The following KCNQ3 variants were observed in gnomAD, a reference collection of about 807,000 sequenced individuals.
KCNQ3 encodes the protein potassium voltage-gated channel subfamily Q member 3, also known as potassium voltage-gated channel subfamily KQT member 3.
Under a neutral mutation model 92.5 loss-of-function variants are expected in KCNQ3, and 30 were observed. That is an observed-to-expected ratio of 0.32 (90% confidence interval 0.24 to 0.44). The LOEUF (loss-of-function observed/expected upper bound fraction) is 0.44. Among genes scored for constraint, KCNQ3 ranks in the 20% least tolerant of loss-of-function variants. KCNQ3 has a pLI of 1.00. For missense variants in KCNQ3, 913 were observed against 1,140.3 expected (o/e 0.80, Z 2.87); for synonymous variants, 450 against 468.8 (o/e 0.96, Z 0.52).
At chr8:132,145,012 G>A (rs1825410012) in intron 9 of KCNQ3, among the ~76,000 whole-genome samples, 1 of 152,132 alleles carries the variant, frequency 6.6e-6, no homozygotes, top group African/African-American at 2.4e-5. Flanking sequence ...CCCCAGCCAG[G>A]GCACATTTGG....
intron 1 of KCNQ3, among the ~76,000 whole-genome samples, chr8:132,382,391 C>G (rs1415668682): frequency 6.6e-6 from 1 of 152,174 alleles, no homozygotes; most frequent in Non-Finnish European, 1.5e-5. Context: ...TGCTCCATCT[C>G]TCACCATGCG....
At chr8:132,350,138 C>T (rs1818814766) in intron 1 of KCNQ3, among the ~76,000 whole-genome samples, 3 of 152,182 alleles carry the variant, frequency 2.0e-5, no homozygotes, top group African/African-American at 7.2e-5. Context: ...GAGGTGAACA[C>T]AAACATTGTT....
intron 9 of KCNQ3, among the ~76,000 whole-genome samples, chr8:132,148,693 G>T (rs2130956884): frequency 6.6e-6 from 1 of 152,316 alleles, no homozygotes; most frequent in Non-Finnish European, 1.5e-5. Flanking sequence ...TCCTTTGAGG[G>T]CCCAAATAAA....
In KCNQ3 at chr8:132,126,144, G is replaced by T. The variant is rs1036973952; in HGVS notation, c.*3118C>A. The T allele has an allele frequency of 6.6e-6, 1 of 152,194 alleles. No homozygotes were observed. The highest frequency in any genetic ancestry group is 1.5e-5 in the Non-Finnish European group (1 of 68,046). The allele number at this position is 152,194 out of a possible 1,614,324, so 9.4% of individuals were successfully genotyped here. On this transcript the variant is annotated 3_prime_UTR_variant, in exon 15 of 15. Transcript: ENST00000388996. The stretch of plus-strand genomic sequence containing the variant: ...GTTTTACCTGATAATATCACTCCTA[G>T]TTTGATGATGGAATTAATTTGTCAA...
At chr8:132,428,446 A>T (rs1821165386) in intron 1 of KCNQ3, among the ~76,000 whole-genome samples, 1 of 152,140 alleles carries the variant, frequency 6.6e-6, no homozygotes, top group African/African-American at 2.4e-5. Flanking sequence ...TTAAAACCGC[A>T]ATCAGCCTCT....
intron 14 of KCNQ3, among the ~76,000 whole-genome samples, chr8:132,131,573 C>G (rs1397156525): frequency 1.3e-5 from 2 of 152,130 alleles, no homozygotes; most frequent in African/African-American, 4.8e-5. Context: ...TAGCTATTAT[C>G]AAGTGTCCAC....
chr8:132,200,987 G>T (rs1284233511), intron 1 of KCNQ3, among the ~76,000 whole-genome samples: 8 of 152,148 alleles, frequency 5.3e-5, no homozygotes, highest in Admixed American at 4.6e-4. Context: ...AGCATTTGGT[G>T]AGAGCCTTCT....
chr8:132,170,433 G>A lies in KCNQ3; in HGVS notation c.1141-5C>T. On this transcript the variant is annotated splice_region_variant and splice_polypyrimidine_tract_variant and intron_variant, in intron 7 of 14. Coordinates refer to ENST00000388996, the MANE Select transcript of KCNQ3 (RefSeq NM_004519.4). The stretch of plus-strand genomic sequence containing the variant: ...AGCATAATACCTCCAGGCAGCCTGA[G>A]GGGCAGAAAAGAGGGGCAACAATGA... 1.2e-6 allele frequency: 2 copies of A among 1,609,672 alleles called. No homozygotes were observed. Among genetic ancestry groups the A allele is most frequent in the South Asian group, 2.2e-5 (2 of 90,936 alleles).
chr8:132,402,237 C>T (rs538109723), intron 1 of KCNQ3, among the ~76,000 whole-genome samples: 17 of 152,272 alleles, frequency 1.1e-4, no homozygotes, highest in Middle Eastern at 3.4e-3. Context: ...GTGCCAACTT[C>T]CTTCTTGGCT....
At position 132,480,941 on chromosome 8, in the gene KCNQ3, C is replaced by G; in HGVS notation, c.-409G>C. 1 of 150,456 alleles carries G rather than the reference C, an allele frequency of 6.6e-6. No homozygotes were observed. Among genetic ancestry groups the G allele is most frequent in the South Asian group, 1.9e-4 (1 of 5,308 alleles). 9.3% of individuals were successfully genotyped at this position (150,456 alleles called of 1,614,324 possible). ...GACAGCATCGCAGTTTATTTACAAG[C>G]CCGGTGCCAGCCGCCCTCCCGCCCG... On this transcript the variant is annotated 5_prime_UTR_variant, in exon 1 of 15. Coordinates refer to ENST00000388996, the MANE Select transcript of KCNQ3 (RefSeq NM_004519.4).
intron 9 of KCNQ3, among the ~76,000 whole-genome samples, chr8:132,148,295 G>T (rs1825524728): frequency 6.6e-6 from 1 of 152,018 alleles, no homozygotes; most frequent in Admixed American, 6.5e-5. Context: ...TGTCGCCCAG[G>T]CTAGCTCTTG....
At chr8:132,267,199 C>A (rs1220889973) in intron 1 of KCNQ3, among the ~76,000 whole-genome samples, 2 of 152,124 alleles carry the variant, frequency 1.3e-5, no homozygotes, top group Non-Finnish European at 2.9e-5. Context: ...TGGCTATAAT[C>A]CATTACTAGA....
At chr8:132,189,467 G>A (rs1827090786) in intron 1 of KCNQ3, among the ~76,000 whole-genome samples, 2 of 152,300 alleles carry the variant, frequency 1.3e-5, no homozygotes, top group Middle Eastern at 3.4e-3. Flanking sequence ...ATACTTTATT[G>A]ATCCGATTGA....
At chr8:132,273,463 T>G (rs1043405937) in intron 1 of KCNQ3, among the ~76,000 whole-genome samples, 1 of 152,146 alleles carries the variant, frequency 6.6e-6, no homozygotes, top group African/African-American at 2.4e-5. Flanking sequence ...ATGAAACCAT[T>G]TTTTCTTCCT....
chr8:132,163,906 G>A (rs1003409852), intron 8 of KCNQ3, among the ~76,000 whole-genome samples: 7 of 152,178 alleles, frequency 4.6e-5, no homozygotes, highest in Non-Finnish European at 1.0e-4. Context: ...AGCGAACATT[G>A]TCTTAACTCA....
chr8:132,438,568 G>T (rs929130317), intron 1 of KCNQ3, among the ~76,000 whole-genome samples: 1 of 152,122 alleles, frequency 6.6e-6, no homozygotes, highest in African/African-American at 2.4e-5. Context: ...GCAACGTGTG[G>T]GTGCGGCTGC....
At chr8:132,328,519 C>T (rs1818130991) in intron 1 of KCNQ3, among the ~76,000 whole-genome samples, 1 of 152,234 alleles carries the variant, frequency 6.6e-6, no homozygotes, top group African/African-American at 2.4e-5. Flanking sequence ...GCCCAAGTTA[C>T]TTGAGCTGGC....
chr8:132,183,768 C>A (rs1826868419), intron 3 of KCNQ3, among the ~76,000 whole-genome samples: 1 of 152,234 alleles, frequency 6.6e-6, no homozygotes, highest in Non-Finnish European at 1.5e-5. Flanking sequence ...TGACTCAGAT[C>A]TGTGATCCTC....
At chr8:132,258,233 C>T (rs1815658337) in intron 1 of KCNQ3, among the ~76,000 whole-genome samples, 1 of 152,106 alleles carries the variant, frequency 6.6e-6, no homozygotes, top group Non-Finnish European at 1.5e-5. Context: ...ACACATGAAA[C>T]ACTTCCCAGA....
Sources: allele counts gnomAD v4.1 joint callset (sites outside exome capture counted in the v4.1 genomes callset), GRCh38; gene constraint gnomAD v4.1.1; transcripts MANE v1.5; gene names NCBI Gene and HGNC (gene_info 2026-07-23, HGNC 2026-07-21).